The following FOXP1 variants were observed in gnomAD, a reference collection of about 807,000 sequenced individuals.
FOXP1 encodes forkhead box protein P1.
Under a neutral mutation model 98.2 loss-of-function variants are expected in FOXP1, and 15 were observed. The observed-to-expected ratio is 0.15, with a 90% CI of 0.10 to 0.24. The LOEUF (loss-of-function observed/expected upper bound fraction) is 0.24. Among genes scored for constraint, FOXP1 ranks in the 10% least tolerant of loss-of-function variants. The pLI is 1.00. For missense variants in FOXP1, 633 were observed against 848.5 expected, an observed-to-expected ratio of 0.75 and a Z score of 3.15; for synonymous variants, 371 against 314.5, an observed-to-expected ratio of 1.18 and a Z score of -1.90.
chr3:70,996,276 G>A (rs1185070427), intron 13 of FOXP1, among the ~76,000 whole-genome samples: 1 of 152,114 alleles, frequency 6.6e-6, no homozygotes, highest in Non-Finnish European at 1.5e-5. Flanking sequence ...GAGCCACCAC[G>A]CCTGCCCGGC....
intron 3 of FOXP1, among the ~76,000 whole-genome samples, chr3:71,365,894 A>G (rs1423698508): frequency 6.6e-6 from 1 of 152,184 alleles, no homozygotes; most frequent in African/African-American, 2.4e-5. Flanking sequence ...GAGGCAGGAG[A>G]ATTGCTTGAA....
intron 5 of FOXP1, among the ~76,000 whole-genome samples, chr3:71,269,143 AC>A (rs1373376424): frequency 6.6e-6 from 1 of 150,850 alleles, no homozygotes; most frequent in Non-Finnish European, 1.5e-5. Context: ...TGCACACAAA[AC>A]TTCAACTCTC....
chr3:71,113,123 C>CA (rs201076066), intron 6 of FOXP1, among the ~76,000 whole-genome samples: 14 of 149,692 alleles, frequency 9.4e-5, no homozygotes, highest in South Asian at 6.4e-4. Flanking sequence ...TGGTGGACCA[C>CA]AAAAAAAAAT....
intron 6 of FOXP1, among the ~76,000 whole-genome samples, chr3:71,120,841 T>G (rs831451): frequency 0.31 from 46,890 of 151,976 alleles, 7,773 homozygotes; most frequent in East Asian, 0.6. Flanking sequence ...TGATTTTATA[T>G]TCTTTAAGCT....
At chr3:71,019,260 T>C (rs74803134) in intron 11 of FOXP1, among the ~76,000 whole-genome samples, 5,072 of 152,264 alleles carry the variant, frequency 0.033, 185 homozygotes, top group Admixed American at 0.083. Context: ...GGGCATCTGA[T>C]GGTAAATAAA....
intron 18 of FOXP1, chr3:70,972,041 G>A (rs2107185097): frequency 1.4e-6 from 2 of 1,478,376 alleles, no homozygotes; most frequent in South Asian, 1.4e-5. Flanking sequence ...GTTTTCATCG[G>A]GGCAGTATTT....
At chr3:70,996,975 C>A (rs1022411526) in intron 13 of FOXP1, among the ~76,000 whole-genome samples, 11 of 152,162 alleles carry the variant, frequency 7.2e-5, no homozygotes, top group Non-Finnish European at 1.3e-4. Context: ...TGTAGTGCTA[C>A]GTGGGACAAA....
intron 2 of FOXP1, among the ~76,000 whole-genome samples, chr3:71,544,699 T>C (rs1158411427): frequency 6.6e-6 from 1 of 152,026 alleles, no homozygotes; most frequent in African/African-American, 2.4e-5. Context: ...CAGAATATGA[T>C]CACAAAGAGG....
intron 6 of FOXP1, among the ~76,000 whole-genome samples, chr3:71,145,875 A>G (rs140209041): frequency 7.9e-5 from 12 of 152,274 alleles, no homozygotes; most frequent in Non-Finnish European, 1.3e-4. Context: ...AAGGTTCTTT[A>G]TATATTCTGT....
At chr3:71,145,024 C>A (rs2060241604) in intron 6 of FOXP1, among the ~76,000 whole-genome samples, 1 of 152,136 alleles carries the variant, frequency 6.6e-6, no homozygotes, top group African/African-American at 2.4e-5. Context: ...CTTATTCTTG[C>A]AGAGTAGGAT....
rs183241649 is a variant in FOXP1 at position 71,552,465 on chromosome 3, G to A, written c.-298+29084C>T. ...AAATAATTATATTAGTTTCCTGGAT[G>A]AGCAGATGTAATACAGAAAAGATAA... On this transcript the variant is annotated intron_variant, in intron 2 of 20. Transcript: ENST00000649528. Among the ~76,000 whole-genome samples, 12 of 152,000 alleles carry A rather than the reference G, an allele frequency of 7.9e-5. No individual in the cohort carries two copies. The East Asian group carries it at 1.7e-3, about 22-fold the overall frequency.
intron 3 of FOXP1, among the ~76,000 whole-genome samples, chr3:71,385,238 G>A (rs1398665171): frequency 6.6e-6 from 1 of 152,182 alleles, no homozygotes; most frequent in Non-Finnish European, 1.5e-5. Flanking sequence ...CACATTTACT[G>A]ACCACACTGT....
At chr3:71,505,456 C>CGTCGCCCAGGCTG (rs2041745849) in intron 2 of FOXP1, among the ~76,000 whole-genome samples, 1 of 141,812 alleles carries the variant, frequency 7.1e-6, no homozygotes, top group Non-Finnish European at 1.5e-5. Flanking sequence ...AGTCTCACTC[C>CGTCGCCCAGGCTG]GTCGCCCAGG....
chr3:71,560,558 G>A (rs906980427), intron 2 of FOXP1, among the ~76,000 whole-genome samples: 4 of 152,104 alleles, frequency 2.6e-5, no homozygotes, highest in Admixed American at 6.5e-5. Context: ...TTCTAGGTAC[G>A]TACCAAAGAA....
At chr3:71,110,586 A>G (rs2057833741) in intron 7 of FOXP1, among the ~76,000 whole-genome samples, 1 of 152,186 alleles carries the variant, frequency 6.6e-6, no homozygotes, top group Non-Finnish European at 1.5e-5. Context: ...TAGAATTTTA[A>G]TTGTGTCTCT....
At chr3:71,234,459 G>T (rs527439402) in intron 5 of FOXP1, among the ~76,000 whole-genome samples, 8 of 152,306 alleles carry the variant, frequency 5.3e-5, no homozygotes, top group South Asian at 4.1e-4. Flanking sequence ...ATGGGTGAGT[G>T]GGGGGAGGCG....
intron 11 of FOXP1, among the ~76,000 whole-genome samples, chr3:71,025,452 T>C (rs371967115): frequency 2.6e-5 from 4 of 152,258 alleles, no homozygotes; most frequent in African/African-American, 9.6e-5. Flanking sequence ...AAAATGTCTA[T>C]GCTTAAAGAA....
chr3:71,017,673 A>G (rs1297859768), intron 11 of FOXP1, among the ~76,000 whole-genome samples: 1 of 152,162 alleles, frequency 6.6e-6, no homozygotes, highest in Admixed American at 6.5e-5. Flanking sequence ...GTATCAACTT[A>G]ACTCTAGTTA....
intron 6 of FOXP1, among the ~76,000 whole-genome samples, chr3:71,129,662 G>A (rs954414286): frequency 1.3e-5 from 2 of 152,108 alleles, no homozygotes; most frequent in African/African-American, 4.8e-5. Context: ...GTGGAGGGAG[G>A]GGAGAGAGGC....
Sources: gnomAD v4.1 joint callset for allele counts (sites outside exome capture counted in the v4.1 genomes callset) on GRCh38, gnomAD v4.1.1 for gene constraint, MANE v1.5 for transcripts, NCBI Gene and HGNC (gene_info 2026-07-23, HGNC 2026-07-21) for gene names.